Variants in COL10A1 observed in about 807,000 individuals in gnomAD.
COL10A1 encodes the protein collagen type X alpha 1 chain.
A neutral mutation model predicts 18.2 loss-of-function variants in COL10A1; 10 were observed. The observed-to-expected ratio is 0.55, with a 90% confidence interval of 0.34 to 0.93. COL10A1 has a LOEUF of 0.93. Among genes scored for constraint, COL10A1 ranks in the 40% least tolerant of loss-of-function variants. The probability of loss-of-function intolerance (pLI) is 0.02; values close to 1 mark genes in which losing one functional copy is unlikely to be tolerated. For synonymous variants in COL10A1, 330 were observed against 316.6 expected, an observed-to-expected ratio of 1.04 and a Z score of -0.45; for missense variants, 897 against 853.5, an observed-to-expected ratio of 1.05 and a Z score of -0.64.
rs774722396 is a variant in COL10A1, at chr6:116,125,323, A to G, written c.154+16T>C. The G allele has an allele frequency of 6.2e-7, 1 of 1,612,702 alleles. No individual in the cohort carries two copies. The highest frequency in any genetic ancestry group is 8.5e-7 in the Non-Finnish European group (1 of 1,179,082). ...AAGCAACTTGTTAATAGAACAAAAT[A>G]TACAATTCAATTTACCTTTACTCTT... On this transcript the variant is annotated intron_variant, in intron 2 of 2. Transcript: ENST00000651968.
intron 1 of COL10A1, among the ~76,000 whole-genome samples, chr6:116,131,398 A>G (rs12209747): frequency 0.19 from 28,917 of 152,140 alleles, 3,360 homozygotes; most frequent in Middle Eastern, 0.34. Context: ...TAAAAAATGT[A>G]TTATTCATTT....
At chr6:116,201,254 G>A in the COL10A1 span, among the ~76,000 whole-genome samples, 11 of 152,030 alleles carry the variant, frequency 7.2e-5, no homozygotes, top group African/African-American at 1.2e-4. Flanking sequence ...TGATACTCTT[G>A]CCTTTTTGGC....
chr6:116,187,908 C>T, the COL10A1 span, among the ~76,000 whole-genome samples: 8 of 151,340 alleles, frequency 5.3e-5, no homozygotes, highest in African/African-American at 1.7e-4. Flanking sequence ...TTACTAAGAA[C>T]GAAAGGGCAA....
At chr6:116,162,726 C>T (rs969249376), upstream of COL10A1, among the ~76,000 whole-genome samples, 2 of 152,008 alleles carry the variant, frequency 1.3e-5, no homozygotes, top group African/African-American at 4.8e-5. Context: ...GATATTGGCC[C>T]ATAGTTTTCT....
At chr6:116,126,281 CTCCTTT>C (rs1779307435), upstream of COL10A1, 1 of 152,098 alleles carries the variant, frequency 6.6e-6, no homozygotes, top group Admixed American at 6.6e-5. Flanking sequence ...GGGCTGGGCT[CTCCTTT>C]TCCTTGTTTT....
At chr6:116,165,542 CT>C in the COL10A1 span, among the ~76,000 whole-genome samples, 1 of 152,162 alleles carries the variant, frequency 6.6e-6, no homozygotes, top group African/African-American at 2.4e-5. Flanking sequence ...TTAAAATTCT[CT>C]TTTCTATTTT....
In COL10A1 at chr6:116,133,663, G is replaced by GGGC. The variant is rs567043938; in HGVS notation, c.-15-8157_-15-8156insGCC. Among the ~76,000 whole-genome samples, 395 of 152,012 alleles carry GGGC rather than the reference G, an allele frequency of 2.6e-3. 10 individuals carry two copies. The South Asian group carries it at 0.043, about 17-fold the overall frequency. ...GTAATGCTGGGCCCTTGTCTGTTTA[G>GGGC]CCATTGATCAAATAATTGTGTTACC... On this transcript the variant is annotated intron_variant, in intron 1 of 1. Transcript: ENST00000418500.
chr6:116,174,701 C>T, the COL10A1 span, among the ~76,000 whole-genome samples: 2 of 152,152 alleles, frequency 1.3e-5, no homozygotes, highest in Non-Finnish European at 2.9e-5. Flanking sequence ...TGTTTTCTCT[C>T]CTTTCTAGCT....
the COL10A1 span, among the ~76,000 whole-genome samples, chr6:116,208,139 C>T: frequency 1.3e-5 from 2 of 151,884 alleles, no homozygotes; most frequent in African/African-American, 4.8e-5. Flanking sequence ...TTTCTATGTT[C>T]CTGTTATTTT....
Position 116,120,285 on chromosome 6 carries a change from A to C in COL10A1, c.1831T>G (p.Trp611Gly). The part of the protein sequence containing the change: ...YHVHVKGTHV[W>G]VGLYKNGTPV... ...GTGCCATTCTTATACAGGCCTACCC[A>C]AACATGAGTCCCTTTCACATGCACG... The change falls in exon 3 of 3, where the codon TGG (tryptophan) becomes GGG (glycine). Residue 611 changes from tryptophan to glycine, a missense_variant. Transcript: ENST00000651968. 1 of 1,614,246 alleles carries C rather than the reference A, an allele frequency of 6.2e-7. No individual in the cohort carries two copies. Among genetic ancestry groups the C allele is most frequent in the Non-Finnish European group, 8.5e-7 (1 of 1,180,044 alleles).
chr6:116,212,605 T>C, the COL10A1 span, among the ~76,000 whole-genome samples: 1 of 152,148 alleles, frequency 6.6e-6, no homozygotes, highest in Non-Finnish European at 1.5e-5. Context: ...TGTGATAAAA[T>C]TTGATCTTTA....
chr6:116,185,126 A>C, the COL10A1 span, among the ~76,000 whole-genome samples: 1 of 152,208 alleles, frequency 6.6e-6, no homozygotes, highest in South Asian at 2.1e-4. Context: ...TGATCCAAAG[A>C]TCATTCAGGA....
At chr6:116,152,155 T>G (rs1419935686) in intron 1 of COL10A1, among the ~76,000 whole-genome samples, 1 of 152,224 alleles carries the variant, frequency 6.6e-6, no homozygotes, top group Non-Finnish European at 1.5e-5. Flanking sequence ...TCGTTTTCAT[T>G]ATACTTTCAG....
chr6:116,124,912 T>C (rs1403620253), intron 2 of COL10A1, among the ~76,000 whole-genome samples: 1 of 152,224 alleles, frequency 6.6e-6, no homozygotes, highest in South Asian at 2.1e-4. Context: ...TGTGGGCTAG[T>C]TGAATTAGTT....
the COL10A1 span, among the ~76,000 whole-genome samples, chr6:116,185,009 C>G: frequency 6.6e-6 from 1 of 151,656 alleles, no homozygotes; most frequent in Non-Finnish European, 1.5e-5. Context: ...ATGCTGTGAA[C>G]TTCCCTCTTA....
chr6:116,173,342 CTCTT>C, the COL10A1 span, among the ~76,000 whole-genome samples: 1 of 152,180 alleles, frequency 6.6e-6, no homozygotes, highest in Non-Finnish European at 1.5e-5. Context: ...AGAACATTTA[CTCTT>C]TAACAATCTG....
Position 116,120,828 on chromosome 6 carries a change from T to A in COL10A1, c.1288A>T (p.Lys430Ter), listed in dbSNP as rs755195361. The change falls in exon 3 of 3, where the codon AAG becomes TAG. Residue 430 changes from lysine (K) to a stop codon, truncating the protein, a stop_gained. Coordinates refer to ENST00000651968, the MANE Select transcript of COL10A1 (RefSeq NM_000493.4). LOFTEE classifies it low-confidence loss of function (END_TRUNC). ...LPGPVGPAGAKGMPGHNGEAG... is the reference protein window; with the variant it reads ...LPGPVGPAGA ...TCTCCATTGTGTCCGGGCATTCCCT[T>A]TGCTCCTGCTGGGCCCACAGGGCCT... The A allele has an allele frequency of 6.2e-7, 1 of 1,613,936 alleles. No individual in the cohort carries two copies. The highest frequency in any genetic ancestry group is 1.1e-5 in the South Asian group (1 of 91,084).
At chr6:116,126,643 G>C (rs190762725), upstream of COL10A1, among the ~76,000 whole-genome samples, 512 of 151,968 alleles carry the variant, frequency 3.4e-3, no homozygotes, top group African/African-American at 0.011. Flanking sequence ...ATTACTTTTA[G>C]GCTTTTAGGA....
chr6:116,208,871 A>G, the COL10A1 span, among the ~76,000 whole-genome samples: 3 of 152,026 alleles, frequency 2.0e-5, no homozygotes, highest in Non-Finnish European at 4.4e-5. Context: ...CATCTGGCTC[A>G]TAGAATATAC....
Sources: gnomAD v4.1 joint callset for allele counts (sites outside exome capture counted in the v4.1 genomes callset) on GRCh38, gnomAD v4.1.1 for gene constraint, MANE v1.5 for transcripts, NCBI Gene and HGNC (gene_info 2026-07-23, HGNC 2026-07-21) for gene names.